Variants in HEMK2 observed in about 807,000 individuals in gnomAD.
The protein encoded by HEMK2 is methyltransferase HEMK2.
chr21:28,835,798 C>A, the HEMK2 span, among the ~76,000 whole-genome samples: 1 of 152,050 alleles, frequency 6.6e-6, no homozygotes, highest in South Asian at 2.1e-4. Context: ...GAAAAACAAT[C>A]AAAAATTCAG....
the HEMK2 span, among the ~76,000 whole-genome samples, chr21:28,778,555 G>A: frequency 6.6e-6 from 1 of 152,282 alleles, no homozygotes; most frequent in African/African-American, 2.4e-5. Flanking sequence ...CAGCTATGTA[G>A]AAGTGGTCAA....
chr21:28,783,623 G>T, the HEMK2 span, among the ~76,000 whole-genome samples: 17 of 152,220 alleles, frequency 1.1e-4, no homozygotes, highest in African/African-American at 4.1e-4. Flanking sequence ...CTCGCTCTTG[G>T]CACCTCCTCG....
At chr21:28,732,545 T>G in the HEMK2 span, among the ~76,000 whole-genome samples, 1 of 152,090 alleles carries the variant, frequency 6.6e-6, no homozygotes, top group Non-Finnish European at 1.5e-5. Context: ...TCAATTTCCC[T>G]CTCTGGGACG....
the HEMK2 span, among the ~76,000 whole-genome samples, chr21:28,790,414 G>A: frequency 2.6e-5 from 4 of 152,132 alleles, no homozygotes; most frequent in East Asian, 3.9e-4. Flanking sequence ...AGCATCAAGC[G>A]TCTTGCAGAC....
At chr21:28,707,004 C>A in the HEMK2 span, among the ~76,000 whole-genome samples, 1 of 152,122 alleles carries the variant, frequency 6.6e-6, no homozygotes, top group East Asian at 1.9e-4. Flanking sequence ...CATTTGGATT[C>A]TCTAAAGTCT....
At chr21:28,620,520 T>C in the HEMK2 span, among the ~76,000 whole-genome samples, 1 of 152,100 alleles carries the variant, frequency 6.6e-6, no homozygotes, top group East Asian at 1.9e-4. Context: ...CAGGAATTTA[T>C]CCATTTCCTC....
the HEMK2 span, among the ~76,000 whole-genome samples, chr21:28,665,208 T>G: frequency 1.3e-5 from 2 of 151,534 alleles, no homozygotes; most frequent in African/African-American, 4.8e-5. Context: ...AGGTTGAGGC[T>G]GTGGTGAGAC....
At chr21:28,756,395 G>A in the HEMK2 span, among the ~76,000 whole-genome samples, 1 of 152,102 alleles carries the variant, frequency 6.6e-6, no homozygotes, top group Non-Finnish European at 1.5e-5. Flanking sequence ...CACTTCAGGC[G>A]GCCTTTTTTC....
the HEMK2 span, among the ~76,000 whole-genome samples, chr21:28,585,317 G>A: frequency 6.9e-6 from 1 of 145,482 alleles, no homozygotes; most frequent in Non-Finnish European, 1.5e-5. Flanking sequence ...GGGTGACAGA[G>A]CAAGACTCTG....
At chr21:28,791,238 T>C in the HEMK2 span, among the ~76,000 whole-genome samples, 1 of 152,154 alleles carries the variant, frequency 6.6e-6, no homozygotes, top group African/African-American at 2.4e-5. Context: ...TAAAAAGTGA[T>C]TTCATTATGC....
the HEMK2 span, among the ~76,000 whole-genome samples, chr21:28,653,391 C>T: frequency 1.3e-5 from 2 of 152,142 alleles, no homozygotes; most frequent in Admixed American, 1.3e-4. Flanking sequence ...CCACTCTCTC[C>T]TTCATGCACT....
At chr21:28,712,654 A>C in the HEMK2 span, among the ~76,000 whole-genome samples, 3 of 152,234 alleles carry the variant, frequency 2.0e-5, no homozygotes, top group African/African-American at 7.2e-5. Context: ...ATGAGGCAGG[A>C]AAGTGACTCA....
the HEMK2 span, among the ~76,000 whole-genome samples, chr21:28,877,293 G>A: frequency 1.1e-3 from 92 of 86,808 alleles, 1 homozygote; most frequent in African/African-American, 4.0e-3. Context: ...AGGAAGGAAG[G>A]AAGGAAGAGA....
chr21:28,672,520 A>G, the HEMK2 span, among the ~76,000 whole-genome samples: 3 of 152,120 alleles, frequency 2.0e-5, no homozygotes, highest in Non-Finnish European at 4.4e-5. Context: ...TTTGGTAGAA[A>G]AGAACATGCA....
At chr21:28,840,008 C>T in the HEMK2 span, among the ~76,000 whole-genome samples, 2 of 152,054 alleles carry the variant, frequency 1.3e-5, no homozygotes, top group Admixed American at 6.6e-5. Context: ...GGTACTGGCA[C>T]AAAAATAGGC....
the HEMK2 span, among the ~76,000 whole-genome samples, chr21:28,865,330 T>A: frequency 6.6e-6 from 1 of 152,238 alleles, no homozygotes; most frequent in South Asian, 2.1e-4. Flanking sequence ...AATGCCTGGC[T>A]AATTTTTGTA....
At chr21:28,736,724 CA>C in the HEMK2 span, among the ~76,000 whole-genome samples, 206 of 151,918 alleles carry the variant, frequency 1.4e-3, 1 homozygote, top group African/African-American at 4.9e-3. Flanking sequence ...GATATCGTGT[CA>C]CTGCACTCCA....
At chr21:28,866,154 AC>A in the HEMK2 span, among the ~76,000 whole-genome samples, 8,243 of 93,072 alleles carry the variant, frequency 0.089, 1,891 homozygotes, top group Non-Finnish European at 0.12. Flanking sequence ...TACAGAAAAA[AC>A]AAAAACAAAC....
the HEMK2 span, among the ~76,000 whole-genome samples, chr21:28,696,311 A>G: frequency 0.56 from 84,542 of 151,984 alleles, 26,178 homozygotes; most frequent in East Asian, 0.84. Flanking sequence ...GGGTAAATAT[A>G]CCCATTCCAA....
Sources: allele counts gnomAD v4.1 joint callset (sites outside exome capture counted in the v4.1 genomes callset), GRCh38; gene constraint gnomAD v4.1.1; transcripts MANE v1.5; gene names NCBI Gene and HGNC (gene_info 2026-07-23, HGNC 2026-07-21).